Variants in SORBS2 observed in about 807,000 individuals in gnomAD.
SORBS2 encodes sorbin and SH3 domain containing 2.
In SORBS2, 46 loss-of-function variants were observed where a neutral mutation model predicts 97.7. The observed-to-expected ratio is 0.47, with a 90% confidence interval of 0.37 to 0.60. The LOEUF (loss-of-function observed/expected upper bound fraction) is 0.60, where lower values mean the gene tolerates loss of function less well. SORBS2 is among the 20% of genes least tolerant of loss of function. SORBS2 has a pLI of 0.00. For synonymous variants in SORBS2, 476 were observed against 473.4 expected (o/e 1.01, Z -0.07); for missense variants, 1,316 against 1,282.3 (o/e 1.03, Z -0.40).
Position 185,897,213 on chromosome 4 carries a change from C to T in SORBS2, c.-338+58983G>A, listed in dbSNP as rs201018983. Among the ~76,000 whole-genome samples, 7 of 152,194 alleles carry T rather than the reference C, an allele frequency of 4.6e-5. No individual in the cohort carries two copies. The East Asian group carries it at 1.2e-3, about 25-fold the overall frequency. On this transcript the variant is annotated intron_variant, in intron 1 of 20. Coordinates refer to the SORBS2 transcript ENST00000284776. Reference sequence around the variant, plus strand: ...AAAAGTATTACTCTAACTTTCGCTCCGCCTTTCTGGGTAAGAACTGGCGAT... The same window carrying T: ...AAAAGTATTACTCTAACTTTCGCTCTGCCTTTCTGGGTAAGAACTGGCGAT...
chr4:185,908,791 CACAAA>C (rs1479339764), intron 1 of SORBS2, among the ~76,000 whole-genome samples: 2 of 151,918 alleles, frequency 1.3e-5, no homozygotes, highest in Non-Finnish European at 2.9e-5. Context: ...TCTATCAAGA[CACAAA>C]ACAGATAGGT....
intron 2 of SORBS2, among the ~76,000 whole-genome samples, chr4:185,742,397 C>T (rs957297456): frequency 6.6e-6 from 1 of 152,174 alleles, no homozygotes; most frequent in East Asian, 1.9e-4. Context: ...AATAATAAGG[C>T]ACCTGCTTCA....
At chr4:185,616,910 G>A (rs911964194) in intron 9 of SORBS2, among the ~76,000 whole-genome samples, 1 of 152,010 alleles carries the variant, frequency 6.6e-6, no homozygotes, top group Admixed American at 6.6e-5. Flanking sequence ...CACCACCCCT[G>A]GCTAATTTTT....
At chr4:185,825,471 C>G (rs1297588005) in intron 1 of SORBS2, among the ~76,000 whole-genome samples, 1 of 152,182 alleles carries the variant, frequency 6.6e-6, no homozygotes, top group Non-Finnish European at 1.5e-5. Flanking sequence ...TACTTCAGCA[C>G]TGTTTTAATG....
At chr4:185,765,537 G>A (rs184359901) in intron 2 of SORBS2, among the ~76,000 whole-genome samples, 1 of 152,226 alleles carries the variant, frequency 6.6e-6, no homozygotes, top group East Asian at 1.9e-4. Context: ...CTGCAATCAA[G>A]CTTTCTCACC....
rs537195530 is a variant in SORBS2, at chr4:185,848,618, C to CTT, written c.-337-73254_-337-73253dup. Among the ~76,000 whole-genome samples the CTT allele has an allele frequency of 1.0e-3, 76 of 75,630 alleles. 8 individuals are homozygous for CTT. The highest frequency in any genetic ancestry group is 3.8e-3 in the African/African-American group (65 of 17,236). 49.6% of individuals were successfully genotyped at this position (75,630 alleles called of 152,430 possible). A position where few individuals can be genotyped will look rare whatever the true frequency, so the allele number is the denominator to read the frequency against. On this transcript the variant is annotated intron_variant, in intron 1 of 20. Transcript: ENST00000284776. ...TTAAATGTTCTTTATAAGGATATCT[C>CTT]TTTTTTTTTTTTTTTTTTTTTTTTT...
intron 1 of SORBS2, chr4:185,932,999 C>T (rs2099267195): frequency 6.6e-6 from 1 of 152,218 alleles, no homozygotes; most frequent in Non-Finnish European, 1.5e-5. Flanking sequence ...ATGTCTTCCT[C>T]TGCTAATAAA....
At chr4:185,915,910 C>A (rs1263144638) in intron 1 of SORBS2, among the ~76,000 whole-genome samples, 1 of 152,134 alleles carries the variant, frequency 6.6e-6, no homozygotes, top group Non-Finnish European at 1.5e-5. Flanking sequence ...AATATTTGAC[C>A]TGGAAACTGA....
Position 185,649,501 on chromosome 4 carries a change from G to T in SORBS2, c.247C>A (p.Pro83Thr), listed in dbSNP as rs1457552046. Reference sequence around the variant, plus strand: ...GAAGACCGATCTCTTGGTCGAAGCGGCGGGACTGGAGGTGGAACATGTGGG... The same window carrying T: ...GAAGACCGATCTCTTGGTCGAAGCGTCGGGACTGGAGGTGGAACATGTGGG... The change falls in exon 3 of 15, where the codon CCG becomes ACG. Residue 83 changes from proline (P) to threonine (T), a missense_variant. Transcript: ENST00000418609. 3.1e-6 allele frequency: 5 copies of T among 1,594,320 alleles called. No individual in the cohort carries two copies. In the African/African-American group the frequency reaches 6.8e-5, roughly 22 times the overall value.
At chr4:185,657,289 T>A (rs1251590018), upstream of SORBS2, 2 of 710,354 alleles carry the variant, frequency 2.8e-6, no homozygotes, top group African/African-American at 1.9e-5. Context: ...CAGCATAACA[T>A]TCATGAGAAG....
At chr4:185,855,364 G>A (rs574462737) in intron 1 of SORBS2, among the ~76,000 whole-genome samples, 2 of 152,052 alleles carry the variant, frequency 1.3e-5, no homozygotes, top group South Asian at 4.2e-4. Flanking sequence ...CATCTATTTT[G>A]GGGCTCCACT....
chr4:185,601,685 T>C (rs2096265346), intron 12 of SORBS2, among the ~76,000 whole-genome samples: 1 of 150,476 alleles, frequency 6.6e-6, no homozygotes, highest in Non-Finnish European at 1.5e-5. Context: ...ATATCAGAGC[T>C]CTTAGAGAAA....
chr4:185,730,227 C>G (rs2098605073), intron 2 of SORBS2, among the ~76,000 whole-genome samples: 1 of 151,230 alleles, frequency 6.6e-6, no homozygotes, highest in Non-Finnish European at 1.5e-5. Context: ...GAAAAATATT[C>G]TCCAAACAAT....
At chr4:185,709,320 T>TTTTCTTTTTTTC (rs2098395342) in intron 2 of SORBS2, among the ~76,000 whole-genome samples, 7 of 141,038 alleles carry the variant, frequency 5.0e-5, no homozygotes, top group African/African-American at 1.3e-4. Flanking sequence ...TTTTTTTTTT[T>TTTTCTTTTTTTC]TTTTAGTAAA....
chr4:185,835,000 G>A (rs1170626005), intron 1 of SORBS2, among the ~76,000 whole-genome samples: 1 of 152,178 alleles, frequency 6.6e-6, no homozygotes, highest in Admixed American at 6.5e-5. Context: ...ACTTCCCCTT[G>A]CTGTTCTCGT....
chr4:185,869,774 G>A (rs1035318955), intron 1 of SORBS2, among the ~76,000 whole-genome samples: 20 of 152,156 alleles, frequency 1.3e-4, no homozygotes, highest in African/African-American at 4.8e-4. Context: ...ACAAATCCAT[G>A]GAATTGGGAA....
chr4:185,662,234 T>C, exon 5 of SORBS2: 3 of 1,607,604 alleles, frequency 1.9e-6, no homozygotes, highest in Non-Finnish European at 2.5e-6. Context: ...CATTCACTGT[T>C]ATCTGGCTCT....
chr4:185,731,658 C>CCCTG (rs1169804021), intron 2 of SORBS2, among the ~76,000 whole-genome samples: 1 of 101,116 alleles, frequency 9.9e-6, no homozygotes, highest in Non-Finnish European at 2.0e-5. Flanking sequence ...CTCTCTCCCT[C>CCCTG]CCTATCTCTC....
chr4:185,604,742 G>T (rs559192131), intron 12 of SORBS2, among the ~76,000 whole-genome samples: 1 of 151,906 alleles, frequency 6.6e-6, no homozygotes, highest in Non-Finnish European at 1.5e-5. Context: ...TTAATTTTTC[G>T]CATGGGGGTG....
Sources: allele counts gnomAD v4.1 joint callset (sites outside exome capture counted in the v4.1 genomes callset), GRCh38; gene constraint gnomAD v4.1.1; transcripts MANE v1.5; gene names NCBI Gene and HGNC (gene_info 2026-07-23, HGNC 2026-07-21).